Variants in UBE3D observed in about 807,000 individuals in gnomAD.
UBE3D encodes E3 ubiquitin-protein ligase E3D.
A neutral mutation model predicts 49.6 loss-of-function variants in UBE3D; 48 were observed. The observed-to-expected ratio is 0.97, with a 90% confidence interval of 0.77 to 1.23. UBE3D has a LOEUF of 1.23. Ranked by LOEUF, UBE3D falls within the 50% of genes most tolerant of loss-of-function variation. The pLI is 0.00. For synonymous variants in UBE3D, 189 were observed against 174.2 expected, an observed-to-expected ratio of 1.08 and a Z score of -0.67; for missense variants, 452 against 468.4, an observed-to-expected ratio of 0.96 and a Z score of 0.32.
intron 9 of UBE3D, among the ~76,000 whole-genome samples, chr6:82,914,897 G>A (rs1022433167): frequency 3.7e-5 from 5 of 136,182 alleles, no homozygotes; most frequent in Non-Finnish European, 4.8e-5. Flanking sequence ...CTCTCATCCT[G>A]AGAGGATAAT....
chr6:83,000,237 A>T (rs1478664367), intron 8 of UBE3D, among the ~76,000 whole-genome samples: 1 of 152,140 alleles, frequency 6.6e-6, no homozygotes. Context: ...TTTTATTTGA[A>T]CCCCAGGTCT....
At chr6:83,020,878 G>A (rs1781045708) in intron 7 of UBE3D, among the ~76,000 whole-genome samples, 6 of 152,174 alleles carry the variant, frequency 3.9e-5, no homozygotes, top group Admixed American at 1.3e-4. Flanking sequence ...ACCTGGAACA[G>A]TGTCTTTCAT....
At chr6:82,994,636 T>G (rs2480092) in intron 8 of UBE3D, among the ~76,000 whole-genome samples, 133,276 of 152,208 alleles carry the variant, frequency 0.88, 58,420 homozygotes, top group East Asian at 0.95. Context: ...ACACCTGAAC[T>G]AGGTTGATGC....
In UBE3D at chr6:83,024,010, T is replaced by A. The variant is rs1176059374; in HGVS notation, c.696A>T (p.Ile232=). Residue 232 remains isoleucine (I), a synonymous_variant, in exon 6 of 10, where the codon ATA becomes ATT. Coordinates refer to ENST00000369747, the MANE Select transcript of UBE3D (RefSeq NM_198920.3). The stretch of plus-strand genomic sequence containing the variant: ...AACTCCTCTCAGATGACTGAATAAT[T>A]ATCTCTGTCATATAAAACTTGGTGG... The part of the protein sequence containing the change: ...SETTKFYMTE[I]IIQSSERSFP... 1 of 1,536,840 alleles carries A rather than the reference T, an allele frequency of 6.5e-7. No individual in the cohort carries two copies. The highest frequency in any genetic ancestry group is 2.4e-5 in the East Asian group (1 of 42,068).
chr6:83,022,604 T>C, intron 6 of UBE3D, 43 bp from the exon 7 acceptor site: 1 of 1,432,722 alleles, frequency 7.0e-7, no homozygotes, highest in Non-Finnish European at 9.4e-7. Flanking sequence ...TATCTCATAA[T>C]AACTCTAACT....
chr6:82,925,793 A>G (rs73749465), intron 9 of UBE3D, among the ~76,000 whole-genome samples: 2,124 of 152,230 alleles, frequency 0.014, 40 homozygotes, highest in African/African-American at 0.046. Context: ...CCTCTAAAAT[A>G]TGAGGATTAA....
At chr6:83,051,398 G>GA (rs1783458838) in intron 3 of UBE3D, among the ~76,000 whole-genome samples, 1 of 152,090 alleles carries the variant, frequency 6.6e-6, no homozygotes, top group Non-Finnish European at 1.5e-5. Flanking sequence ...TTCCTGAACA[G>GA]AAAAAATGGG....
At chr6:83,057,775 G>C (rs762854726) in intron 2 of UBE3D, 51 bp downstream of exon 2, 64 of 1,569,476 alleles carry the variant, frequency 4.1e-5, no homozygotes, top group Non-Finnish European at 5.4e-5. Context: ...AATCACCTTT[G>C]GTTTATAACA....
At chr6:82,894,932 T>C (rs1771203278) in intron 9 of UBE3D, among the ~76,000 whole-genome samples, 1 of 152,250 alleles carries the variant, frequency 6.6e-6, no homozygotes, top group Non-Finnish European at 1.5e-5. Flanking sequence ...ATCTCTTTTG[T>C]AATTCTGAAA....
chr6:83,061,119 T>C (rs1296465500), intron 1 of UBE3D, among the ~76,000 whole-genome samples: 1 of 152,192 alleles, frequency 6.6e-6, no homozygotes, highest in Non-Finnish European at 1.5e-5. Flanking sequence ...ACTTCTGTTA[T>C]ATTCCTGCCA....
Position 83,018,959 on chromosome 6 carries a change from A to T in UBE3D, c.1010+14T>A. The stretch of plus-strand genomic sequence containing the variant: ...AAACATAATGTGGAAAGAGAAAACA[A>T]ATGCACAACTTACTTTTCATTCCTG... On this transcript the variant is annotated intron_variant, in intron 8 of 9. Coordinates refer to ENST00000369747, the MANE Select transcript of UBE3D (RefSeq NM_198920.3). The T allele has an allele frequency of 6.2e-7, 1 of 1,610,786 alleles. No individual in the cohort carries two copies. Among genetic ancestry groups the T allele is most frequent in the Non-Finnish European group, 8.5e-7 (1 of 1,179,180 alleles).
intron 5 of UBE3D, chr6:83,038,198 T>A: frequency 2.3e-6 from 1 of 427,002 alleles, no homozygotes; most frequent in Non-Finnish European, 4.1e-6. Context: ...TGACTCAACT[T>A]CTTAATACTT....
At chr6:82,926,083 A>G (rs1241242949) in intron 9 of UBE3D, among the ~76,000 whole-genome samples, 2 of 152,166 alleles carry the variant, frequency 1.3e-5, no homozygotes. Flanking sequence ...AATATTTCCT[A>G]AAGAAGGAAA....
intron 9 of UBE3D, among the ~76,000 whole-genome samples, chr6:82,901,867 G>A (rs1771760548): frequency 6.6e-6 from 1 of 152,186 alleles, no homozygotes; most frequent in Non-Finnish European, 1.5e-5. Flanking sequence ...AGCCCTTTTT[G>A]TTCACGATGT....
At chr6:82,977,067 T>C (rs1457930371) in intron 8 of UBE3D, among the ~76,000 whole-genome samples, 2 of 131,382 alleles carry the variant, frequency 1.5e-5, no homozygotes, top group East Asian at 4.5e-4. Flanking sequence ...TGAACTGAGA[T>C]TGTGCCACTG....
At chr6:82,888,032 C>T (rs1475484557), downstream of UBE3D, among the ~76,000 whole-genome samples, 1 of 152,036 alleles carries the variant, frequency 6.6e-6, no homozygotes, top group Non-Finnish European at 1.5e-5. Context: ...AGACTGGTTC[C>T]TTTCTCTGGT....
intron 9 of UBE3D, among the ~76,000 whole-genome samples, chr6:82,919,048 C>T (rs1773127298): frequency 6.6e-6 from 1 of 152,014 alleles, no homozygotes; most frequent in African/African-American, 2.4e-5. Context: ...GTTTTGGTAA[C>T]AGATTCATTC....
intron 5 of UBE3D, among the ~76,000 whole-genome samples, chr6:83,033,962 C>A (rs1782060789): frequency 6.6e-6 from 1 of 152,176 alleles, no homozygotes; most frequent in African/African-American, 2.4e-5. Flanking sequence ...CCGTCTGCCT[C>A]CCCAGGCAAA....
intron 9 of UBE3D, among the ~76,000 whole-genome samples, chr6:82,921,469 T>G (rs1357142552): frequency 1.3e-5 from 2 of 152,004 alleles, no homozygotes. Flanking sequence ...CCATGCAAAA[T>G]AGCACACTGG....
Sources: gnomAD v4.1 joint callset for allele counts (sites outside exome capture counted in the v4.1 genomes callset) on GRCh38, gnomAD v4.1.1 for gene constraint, MANE v1.5 for transcripts, NCBI Gene and HGNC (gene_info 2026-07-23, HGNC 2026-07-21) for gene names.